LRRC59: variants seen among roughly 807,000 people sequenced by gnomAD.
The protein encoded by LRRC59 is leucine-rich repeat-containing protein 59.
LRRC59 carries 18 observed loss-of-function variants against 33.5 expected under a neutral mutation model. That is an observed-to-expected ratio of 0.54 (90% CI 0.37 to 0.80). The LOEUF (loss-of-function observed/expected upper bound fraction) is 0.80. LRRC59 is among the 30% of genes least tolerant of loss of function. LRRC59 has a pLI of 0.00. For missense variants in LRRC59, 330 were observed against 391.9 expected (o/e 0.84, Z 1.33); for synonymous variants, 138 against 160.0 (o/e 0.86, Z 1.04).
At chr17:50,388,002 G>C in intron 5 of LRRC59, 58 bp downstream of exon 5, 1 of 1,545,764 alleles carries the variant, frequency 6.5e-7, no homozygotes, top group Admixed American at 1.7e-5. Context: ...TGAAGCATGA[G>C]AATCCACTGG....
chr17:50,394,254 G>A (rs1337653157), intron 2 of LRRC59, among the ~76,000 whole-genome samples: 1 of 152,186 alleles, frequency 6.6e-6, no homozygotes, highest in East Asian at 1.9e-4. Flanking sequence ...GTGATGGGTG[G>A]AAGTGGCAAT....
intron 4 of LRRC59, among the ~76,000 whole-genome samples, chr17:50,390,117 GAAAAA>G: frequency 7.5e-6 from 1 of 134,164 alleles, no homozygotes; most frequent in Admixed American, 7.4e-5. Context: ...AAAAAAAAAA[GAAAAA>G]GGAAAGAAAT....
rs749592461 is a variant in LRRC59 at position 50,397,314 on chromosome 17, T to C, written c.4A>G (p.Thr2Ala). 6.2e-7 allele frequency: 1 copy of C among 1,606,226 alleles called. No homozygotes were observed. The highest frequency in any genetic ancestry group is 8.5e-7 in the Non-Finnish European group (1 of 1,176,804). ...TTCCCGCCCTTGCTACCGGCCTTGG[T>C]CATGGTAACGCCGGCTGAGCGGGCC... M[T>A]KAGSKGGNLR... The change falls in exon 1 of 7, where the codon ACC becomes GCC. Residue 2 changes from threonine to alanine, a missense_variant. Physicochemically the swap from Thr to Ala is moderately conservative, Grantham distance 58 (BLOSUM62 0). Coordinates refer to ENST00000225972, the MANE Select transcript of LRRC59 (RefSeq NM_018509.4).
chr17:50,383,384 C>T (rs3744525), intron 6 of LRRC59, 149 bp from the exon 7 acceptor site: 4 of 1,002,524 alleles, frequency 4.0e-6, no homozygotes, highest in East Asian at 5.3e-5. Flanking sequence ...AATGTCTCCA[C>T]AGACCGAAAC....
At chr17:50,397,125 G>T in intron 1 of LRRC59, 88 bp downstream of exon 1, 1 of 995,514 alleles carries the variant, frequency 1.0e-6, no homozygotes, top group Non-Finnish European at 1.4e-6. Flanking sequence ...GGAAACTGAT[G>T]CTTTTAGAGA....
Position 50,388,147 on chromosome 17 carries a change from G to C in LRRC59, c.430-15C>G. 6.2e-7 allele frequency: 1 copy of C among 1,612,664 alleles called. No individual in the cohort carries two copies. Among genetic ancestry groups the C allele is most frequent in the South Asian group, 1.1e-5 (1 of 91,062 alleles). On this transcript the variant is annotated splice_polypyrimidine_tract_variant and intron_variant, in intron 4 of 6. Transcript: ENST00000225972. ...TGCTGTAACACCTGCAAAGGAAAAG[G>C]AGGAAAGTAGTGCTCTTCATAGTCA...
In LRRC59 at chr17:50,383,037, C is replaced by T. The variant is rs772143736; in HGVS notation, c.875G>A (p.Arg292His). 7.4e-6 allele frequency: 12 copies of T among 1,612,814 alleles called. No individual in the cohort carries two copies. Among genetic ancestry groups the T allele is most frequent in the Middle Eastern group, 1.9e-4 (1 of 5,186 alleles). Residue 292 changes from arginine to histidine, a missense_variant, in exon 7 of 7, where the codon CGC (arginine) becomes CAC (histidine). By Grantham distance (29) the Arg-to-His change is conservative. Transcript: ENST00000225972. ...GACCCACTGGAGGATCTCATGGCGG[C>T]GTAGACCCTGGACCGCATTGTCATA... ...TIYDNAVQGLRRHEILQWVLQ... is the reference protein window; with the variant it reads ...TIYDNAVQGLHRHEILQWVLQ...
chr17:50,392,286 C>T (rs1175619996), intron 4 of LRRC59, 112 bp downstream of exon 4: 5 of 752,164 alleles, frequency 6.6e-6, no homozygotes, highest in East Asian at 2.5e-5. Context: ...TTCACTCGGA[C>T]CTGAATGCTT....
intron 6 of LRRC59, among the ~76,000 whole-genome samples, chr17:50,384,027 A>C (rs1193170400): frequency 1.3e-5 from 2 of 150,192 alleles, no homozygotes; most frequent in African/African-American, 4.9e-5. Context: ...ACAGGCCTCC[A>C]CTCTCTGTAC....
chr17:50,393,024 CTCA>C (rs1278464797), intron 2 of LRRC59, 127 bp from the exon 3 acceptor site: 2 of 865,480 alleles, frequency 2.3e-6, no homozygotes, highest in Non-Finnish European at 3.5e-6. Context: ...CCTTTTTCAG[CTCA>C]TCAGTGTATT....
Position 50,392,745 on chromosome 17 carries a change from C to T in LRRC59, c.318G>A (p.Gln106=). The change falls in exon 3 of 7, where the codon CAG becomes CAA. Residue 106 remains glutamine, a synonymous_variant. Coordinates refer to ENST00000225972, the MANE Select transcript of LRRC59 (RefSeq NM_018509.4). ...KLVTLPVSFA[Q]LKNLKWLDLK... ...CTGGTTCATGAATTGTTACCTTGAGCTGAGCAAAGCTGACAGGCAAGGTGA... is the reference window on the plus strand; with the variant it reads ...CTGGTTCATGAATTGTTACCTTGAGTTGAGCAAAGCTGACAGGCAAGGTGA... 6.2e-7 allele frequency: 1 copy of T among 1,614,088 alleles called. No homozygotes were observed. Among genetic ancestry groups the T allele is most frequent in the Non-Finnish European group, 8.5e-7 (1 of 1,179,972 alleles).
intron 6 of LRRC59, 123 bp from the exon 7 acceptor site, chr17:50,383,358 G>C (rs892125691): frequency 1.6e-6 from 2 of 1,259,490 alleles, no homozygotes; most frequent in Admixed American, 2.9e-5. Flanking sequence ...AAACTCCCCA[G>C]GCCCTGAAGA....
rs774771193 is a variant in LRRC59 at position 50,383,211 on chromosome 17, C to T, written c.701G>A (p.Arg234His). The T allele has an allele frequency of 1.2e-5, 18 of 1,553,454 alleles. No homozygotes were observed. Among genetic ancestry groups the T allele is most frequent in the Middle Eastern group, 1.7e-4 (1 of 5,862 alleles). Residue 234 changes from arginine to histidine, a missense_variant, in exon 7 of 7, where the codon CGC becomes CAC. Arg to His is a conservative substitution (Grantham distance 29). Transcript: ENST00000225972. ...APKSKSGSRP[R>H]KPPPRKHTRS... ...AGTGTGCTTCCGGGGTGGTGGCTTG[C>T]GGGGACGGGAGCCAGACTTAGATTC...
chr17:50,384,210 C>G (rs948539659), intron 6 of LRRC59, among the ~76,000 whole-genome samples: 1 of 151,990 alleles, frequency 6.6e-6, no homozygotes, highest in Non-Finnish European at 1.5e-5. Flanking sequence ...CCAAATGACT[C>G]CTCTAGTGTT....
rs750090448 is a variant in LRRC59 at position 50,383,144 on chromosome 17, T to TAGCAGCAGC, written c.759_767dup (p.Leu254_Leu256dup). ...CAACCAGCCCTCCCGCCACACCAAATAGCAGCAGCAGCAGCAGCAGCTTCA... is the reference window on the plus strand; with the variant it reads ...CAACCAGCCCTCCCGCCACACCAAATAGCAGCAGCAGCAGCAGCAGCAGCAGCAGCTTCA... On this transcript the variant is annotated inframe_insertion, in exon 7 of 7. Transcript: ENST00000225972. 12 of 1,583,668 alleles carry TAGCAGCAGC rather than the reference T, an allele frequency of 7.6e-6. No homozygotes were observed. The highest frequency in any genetic ancestry group is 2.3e-5 in the East Asian group (1 of 43,976).
chr17:50,383,315 G>T, intron 6 of LRRC59, 80 bp from the exon 7 acceptor site: 2 of 1,465,386 alleles, frequency 1.4e-6, no homozygotes, highest in East Asian at 2.5e-5. Flanking sequence ...AGTCTCCTCC[G>T]TGCAGATCTA....
intron 6 of LRRC59, among the ~76,000 whole-genome samples, chr17:50,383,823 T>A (rs2143352301): frequency 6.6e-6 from 1 of 152,092 alleles, no homozygotes; most frequent in South Asian, 2.1e-4. Context: ...TTGAGATTTT[T>A]AGACAAAATT....
chr17:50,392,621 G>T, intron 3 of LRRC59, 118 bp downstream of exon 3: 2 of 1,463,378 alleles, frequency 1.4e-6, no homozygotes, highest in Non-Finnish European at 9.5e-7. Context: ...TATAGGGAGC[G>T]CCATCTGAGG....
In LRRC59 at chr17:50,382,792, A is replaced by T. The variant is rs1250519138; in HGVS notation, c.*196T>A. ...CCCCCACGCCCCCCCGCCACCTCCC[A>T]TTTCTCCTCATTCCTTCAGGGAACC... is the stretch of plus-strand genomic sequence containing the variant. On this transcript the variant is annotated 3_prime_UTR_variant, in exon 7 of 7. Coordinates refer to ENST00000225972, the MANE Select transcript of LRRC59 (RefSeq NM_018509.4). The T allele has an allele frequency of 3.3e-6, 1 of 307,640 alleles. No homozygotes were observed. Among genetic ancestry groups the T allele is most frequent in the Non-Finnish European group, 5.0e-6 (1 of 201,892 alleles). 19.1% of individuals were successfully genotyped at this position (307,640 alleles called of 1,614,324 possible).
Sources: gnomAD v4.1 joint callset for allele counts (sites outside exome capture counted in the v4.1 genomes callset) on GRCh38, gnomAD v4.1.1 for gene constraint, MANE v1.5 for transcripts, NCBI Gene and HGNC (gene_info 2026-07-23, HGNC 2026-07-21) for gene names.